SOX5: variants seen among roughly 807,000 people sequenced by gnomAD.
The protein encoded by SOX5 is transcription factor SOX-5.
SOX5 carries 9 observed loss-of-function variants against 92.0 expected under a neutral mutation model. The observed-to-expected ratio is 0.10, with a 90% CI of 0.06 to 0.17. SOX5 has a LOEUF of 0.17. SOX5 is among the 10% of genes least tolerant of loss of function. The pLI is 1.00. For synonymous variants in SOX5, 344 were observed against 336.3 expected (o/e 1.02, Z -0.25); for missense variants, 642 against 944.5 (o/e 0.68, Z 4.20).
At chr12:24,468,067 GGAGAT>G (rs1944414528) in intron 1 of SOX5, among the ~76,000 whole-genome samples, 1 of 152,168 alleles carries the variant, frequency 6.6e-6, no homozygotes, top group African/African-American at 2.4e-5. Flanking sequence ...ATAACAACTG[GGAGAT>G]GAGGAAGCAG....
chr12:23,800,498 T>C (rs1192761504), intron 3 of SOX5, among the ~76,000 whole-genome samples: 2 of 152,072 alleles, frequency 1.3e-5, no homozygotes, highest in Non-Finnish European at 2.9e-5. Context: ...TGAGAGACGG[T>C]AATATTTCAA....
chr12:23,954,913 T>C (rs1454830607), upstream of SOX5, among the ~76,000 whole-genome samples: 1 of 152,132 alleles, frequency 6.6e-6, no homozygotes, highest in Non-Finnish European at 1.5e-5. Flanking sequence ...TTTAACTTCT[T>C]ATTCAGAATA....
chr12:24,428,564 G>A (rs941727261), intron 1 of SOX5, among the ~76,000 whole-genome samples: 12 of 151,624 alleles, frequency 7.9e-5, no homozygotes, highest in African/African-American at 2.7e-4. Context: ...TTGAGCCCAG[G>A]AGTTTGAGAC....
intron 1 of SOX5, among the ~76,000 whole-genome samples, chr12:23,936,284 A>G (rs946499831): frequency 6.6e-6 from 1 of 151,032 alleles, no homozygotes. Context: ...CAATAGTAAA[A>G]TTAAAGATAC....
At chr12:24,229,132 C>A (rs542173182) in intron 3 of SOX5, among the ~76,000 whole-genome samples, 12 of 152,204 alleles carry the variant, frequency 7.9e-5, no homozygotes, top group Middle Eastern at 3.2e-3. Context: ...GGATGGCACA[C>A]GTTTTGTACA....
chr12:24,210,233 A>G (rs16927316), intron 4 of SOX5, among the ~76,000 whole-genome samples: 4,503 of 152,156 alleles, frequency 0.03, 178 homozygotes, highest in African/African-American at 0.096. Context: ...TTATTACCTA[A>G]TATGTGTACA....
chr12:23,687,266 A>G (rs2087766851), intron 6 of SOX5, among the ~76,000 whole-genome samples: 1 of 152,052 alleles, frequency 6.6e-6, no homozygotes, highest in Non-Finnish European at 1.5e-5. Context: ...TTTATGATTA[A>G]AATTACTGGA....
chr12:24,055,783 G>T (rs2137192044), intron 4 of SOX5, among the ~76,000 whole-genome samples: 1 of 152,196 alleles, frequency 6.6e-6, no homozygotes, highest in Middle Eastern at 3.4e-3. Flanking sequence ...ACAATGAAAA[G>T]AAAAACTAGT....
chr12:24,268,974 A>C (rs1435446223), intron 3 of SOX5, among the ~76,000 whole-genome samples: 2 of 152,180 alleles, frequency 1.3e-5, no homozygotes, highest in Non-Finnish European at 2.9e-5. Flanking sequence ...TTAATGTTGC[A>C]CAATTTAGAT....
intron 4 of SOX5, among the ~76,000 whole-genome samples, chr12:24,070,728 T>C (rs1219463879): frequency 6.6e-6 from 1 of 152,158 alleles, no homozygotes; most frequent in Admixed American, 6.5e-5. Flanking sequence ...TTTTTAGACA[T>C]AATTTGTATT....
intron 9 of SOX5, among the ~76,000 whole-genome samples, chr12:23,586,642 A>C (rs1368328147): frequency 1.5e-5 from 2 of 136,442 alleles, no homozygotes; most frequent in African/African-American, 2.5e-5. Context: ...TCCTTAGACC[A>C]CTTTTTTTTT....
intron 5 of SOX5, among the ~76,000 whole-genome samples, chr12:23,736,931 G>A (rs532741613): frequency 1.3e-5 from 2 of 151,724 alleles, no homozygotes; most frequent in South Asian, 2.1e-4. Flanking sequence ...GACCTCGGGT[G>A]ATCCACTTGC....
intron 3 of SOX5, among the ~76,000 whole-genome samples, chr12:23,818,231 C>A (rs1318181607): frequency 1.3e-5 from 2 of 152,116 alleles, no homozygotes; most frequent in African/African-American, 2.4e-5. Context: ...CTTTCACAGA[C>A]CCAGCTGGTA....
intron 9 of SOX5, among the ~76,000 whole-genome samples, chr12:23,595,147 T>C (rs370087505): frequency 2.9e-4 from 44 of 152,252 alleles, no homozygotes; most frequent in African/African-American, 9.6e-4. Context: ...TGATATATGA[T>C]AGAAATAATA....
chr12:23,930,644 C>A (rs766520806), intron 1 of SOX5, among the ~76,000 whole-genome samples: 59 of 151,696 alleles, frequency 3.9e-4, no homozygotes, highest in Non-Finnish European at 7.4e-4. Context: ...TTAATCATCT[C>A]TTTTAATTCT....
chr12:24,163,399 G>A (rs1349090369), intron 4 of SOX5, among the ~76,000 whole-genome samples: 1 of 151,956 alleles, frequency 6.6e-6, no homozygotes, highest in African/African-American at 2.4e-5. Flanking sequence ...TGATCTTGGT[G>A]CCAGACCTAT....
At chr12:23,998,827 G>T (rs1331257326) in intron 4 of SOX5, among the ~76,000 whole-genome samples, 1 of 145,742 alleles carries the variant, frequency 6.9e-6, no homozygotes, top group Non-Finnish European at 1.5e-5. Flanking sequence ...AAAAAAAAAG[G>T]GGGGGCGAAA....
At chr12:23,948,023 C>A (rs979838829) in intron 1 of SOX5, among the ~76,000 whole-genome samples, 1 of 151,942 alleles carries the variant, frequency 6.6e-6, no homozygotes. Context: ...GTTAAATTAG[C>A]AAATCGCTAC....
At chr12:23,928,230 AT>A in intron 1 of SOX5, among the ~76,000 whole-genome samples, 1 of 152,062 alleles carries the variant, frequency 6.6e-6, no homozygotes, top group African/African-American at 2.4e-5. Flanking sequence ...CCTACAGTAA[AT>A]CCAAACAGCC....
Sources: allele counts gnomAD v4.1 joint callset (sites outside exome capture counted in the v4.1 genomes callset), GRCh38; gene constraint gnomAD v4.1.1; transcripts MANE v1.5; gene names NCBI Gene and HGNC (gene_info 2026-07-23, HGNC 2026-07-21).